The following ERC1 variants were observed in gnomAD, a reference collection of about 807,000 sequenced individuals.
The protein encoded by ERC1 is ELKS/RAB6-interacting/CAST family member 1.
A neutral mutation model predicts 132.0 loss-of-function variants in ERC1; 56 were observed. The ratio of observed to expected loss-of-function variants is 0.42; its 90% confidence interval spans 0.34 to 0.53. The LOEUF is 0.53. Ranked by LOEUF, ERC1 falls within the 20% of genes least tolerant of loss-of-function variation. The pLI, the probability that ERC1 is intolerant of heterozygous loss-of-function variation, is 0.03. For synonymous variants in ERC1, 478 were observed against 476.1 expected (o/e 1.00, Z -0.05); for missense variants, 1,202 against 1,349.9 (o/e 0.89, Z 1.72).
intron 1 of ERC1, among the ~76,000 whole-genome samples, chr12:992,346 T>C (rs1018940554): frequency 6.6e-6 from 1 of 152,218 alleles, no homozygotes; most frequent in African/African-American, 2.4e-5. Context: ...GGAATAGTTC[T>C]GTTGGAGCTA....
At chr12:1,347,523 A>G (rs1046393370) in intron 15 of ERC1, among the ~76,000 whole-genome samples, 8 of 152,206 alleles carry the variant, frequency 5.3e-5, no homozygotes, top group African/African-American at 1.9e-4. Context: ...AAGATGTAGT[A>G]ATTTCTATAT....
intron 8 of ERC1, among the ~76,000 whole-genome samples, chr12:1,174,147 G>A (rs1953414464): frequency 6.6e-6 from 1 of 152,198 alleles, no homozygotes; most frequent in South Asian, 2.1e-4. Flanking sequence ...ATTTTTATGG[G>A]CACACATTTC....
Position 1,396,231 on chromosome 12 carries a change from C to T in ERC1, c.2926-11918C>T, listed in dbSNP as rs114712656. Among the ~76,000 whole-genome samples the T allele has an allele frequency of 3.7e-3, 564 of 152,212 alleles. 1 individual carries two copies. Among genetic ancestry groups the T allele is most frequent in the African/African-American group, 0.013 (542 of 41,540 alleles). The stretch of plus-strand genomic sequence containing the variant: ...TAAATTCTGATTGGTAACTATATAT[C>T]TATTTTTGTTTAATACAAAGAGGAA... On this transcript the variant is annotated intron_variant, in intron 16 of 18. Coordinates refer to ENST00000360905, the MANE Select transcript of ERC1 (RefSeq NM_178040.4).
intron 15 of ERC1, among the ~76,000 whole-genome samples, chr12:1,357,771 T>A (rs1432496930): frequency 1.3e-5 from 2 of 152,204 alleles, no homozygotes; most frequent in Admixed American, 6.5e-5. Flanking sequence ...TAAATCTTTT[T>A]ATCAGACCAT....
intron 15 of ERC1, among the ~76,000 whole-genome samples, chr12:1,313,491 A>T (rs985380564): frequency 4.6e-5 from 7 of 152,122 alleles, no homozygotes; most frequent in Non-Finnish European, 1.0e-4. Flanking sequence ...TATTGCTTTA[A>T]TTCTATCTAT....
chr12:1,492,826 C>A lies in ERC1; in HGVS notation c.*2596C>A, dbSNP rs1286675755. On this transcript the variant is annotated 3_prime_UTR_variant, in exon 19 of 19. Coordinates refer to ENST00000360905, the MANE Select transcript of ERC1 (RefSeq NM_178040.4). ...GTCTCATTGAGTCTAGATCATTGAA[C>A]CAACACTTAACCAAATGTCCCACTC... The A allele has an allele frequency of 4.8e-5, 11 of 231,190 alleles. No individual in the cohort carries two copies. In the East Asian group the frequency reaches 6.1e-4, roughly 13 times the overall value. The allele number at this position is 231,190 out of a possible 1,614,324, so 14.3% of individuals were successfully genotyped here. A position where few individuals can be genotyped will look rare whatever the true frequency, so the allele number is the denominator to read the frequency against.
At chr12:1,256,326 C>T (rs1185658934) in intron 13 of ERC1, among the ~76,000 whole-genome samples, 3 of 145,718 alleles carry the variant, frequency 2.1e-5, no homozygotes, top group Admixed American at 1.4e-4. Context: ...AGACTAGAAG[C>T]AGTTATAATG....
At chr12:1,352,161 C>T (rs2085062020) in intron 15 of ERC1, among the ~76,000 whole-genome samples, 2 of 152,132 alleles carry the variant, frequency 1.3e-5, no homozygotes, top group South Asian at 4.1e-4. Flanking sequence ...TACCACAAGC[C>T]TTCATCATAT....
chr12:1,204,455 A>G lies in ERC1; in HGVS notation c.2351+14403A>G, dbSNP rs1365343222. 6 of 1,523,506 alleles carry G rather than the reference A, an allele frequency of 3.9e-6. No homozygotes were observed. The East Asian group carries it at 9.1e-5, about 23-fold the overall frequency. 94.4% of individuals were successfully genotyped at this position (1,523,506 alleles called of 1,614,324 possible). A position where few individuals can be genotyped will look rare whatever the true frequency, so the allele number is the denominator to read the frequency against. ...AATATTGTCCTTATTAATTCTTTCTAACTTTCTTTTTCACATTTTCTTCCT... is the reference window on the plus strand; with the variant it reads ...AATATTGTCCTTATTAATTCTTTCTGACTTTCTTTTTCACATTTTCTTCCT... On this transcript the variant is annotated intron_variant, in intron 12 of 18. Transcript: ENST00000360905.
At chr12:1,022,080 G>A (rs576804931) in intron 1 of ERC1, among the ~76,000 whole-genome samples, 2 of 152,236 alleles carry the variant, frequency 1.3e-5, no homozygotes, top group South Asian at 4.1e-4. Context: ...TTATTTTAGA[G>A]ATCCTATCTC....
intron 16 of ERC1, among the ~76,000 whole-genome samples, chr12:1,379,014 T>C (rs1310078249): frequency 1.3e-5 from 2 of 152,204 alleles, no homozygotes; most frequent in African/African-American, 4.8e-5. Flanking sequence ...TATTGTGTGA[T>C]ATTTTGGTCT....
intron 1 of ERC1, among the ~76,000 whole-genome samples, chr12:1,020,491 A>T (rs1431579931): frequency 1.3e-5 from 2 of 152,120 alleles, no homozygotes; most frequent in Non-Finnish European, 2.9e-5. Flanking sequence ...AACATCTCAG[A>T]TTTTATGAAG....
At chr12:1,151,340 C>A (rs1233830830) in intron 8 of ERC1, among the ~76,000 whole-genome samples, 1 of 152,156 alleles carries the variant, frequency 6.6e-6, no homozygotes, top group African/African-American at 2.4e-5. Flanking sequence ...AGTAGTCAAC[C>A]TAATTCTATT....
At chr12:1,403,321 A>T (rs1028061381) in intron 16 of ERC1, among the ~76,000 whole-genome samples, 1 of 152,120 alleles carries the variant, frequency 6.6e-6, no homozygotes, top group Non-Finnish European at 1.5e-5. Flanking sequence ...AAACATTTGG[A>T]TATAAAATAT....
At chr12:1,376,495 G>A (rs1380067959) in intron 16 of ERC1, among the ~76,000 whole-genome samples, 1 of 152,194 alleles carries the variant, frequency 6.6e-6, no homozygotes, top group African/African-American at 2.4e-5. Flanking sequence ...GCCACCACGT[G>A]CCACTTGACT....
intron 17 of ERC1, among the ~76,000 whole-genome samples, chr12:1,432,018 A>T (rs548060552): frequency 6.6e-6 from 1 of 152,118 alleles, no homozygotes; most frequent in Admixed American, 6.5e-5. Context: ...AACTGGGACT[A>T]TTGGCATGCA....
chr12:1,277,824 A>G (rs747338085), intron 14 of ERC1, among the ~76,000 whole-genome samples: 1 of 152,242 alleles, frequency 6.6e-6, no homozygotes, highest in Non-Finnish European at 1.5e-5. Flanking sequence ...ATTATGGAAC[A>G]TGATATTGAT....
intron 7 of ERC1, among the ~76,000 whole-genome samples, chr12:1,120,722 C>T (rs1449445622): frequency 1.3e-5 from 2 of 152,278 alleles, no homozygotes; most frequent in East Asian, 3.9e-4. Flanking sequence ...TTCCCCTTCT[C>T]CAGGAAATTG....
chr12:1,236,686 G>C, intron 12 of ERC1, 83 bp from the exon 13 acceptor site: 2 of 1,354,096 alleles, frequency 1.5e-6, no homozygotes, highest in South Asian at 1.6e-5. Flanking sequence ...ATTCCTTATT[G>C]TCACTGGTGT....
Sources: gnomAD v4.1 joint callset for allele counts (sites outside exome capture counted in the v4.1 genomes callset) on GRCh38, gnomAD v4.1.1 for gene constraint, MANE v1.5 for transcripts, NCBI Gene and HGNC (gene_info 2026-07-23, HGNC 2026-07-21) for gene names.